SLC5A10: variants seen among roughly 807,000 people sequenced by gnomAD.
SLC5A10 encodes sodium/mannose cotransporter SLC5A10.
In SLC5A10, 55 loss-of-function variants were observed where a neutral mutation model predicts 68.9. The observed-to-expected ratio is 0.80, with a 90% CI of 0.64 to 1.00. The LOEUF (loss-of-function observed/expected upper bound fraction) is 1.00. Among genes scored for constraint, SLC5A10 ranks in the 50% least tolerant of loss-of-function variants. The probability of loss-of-function intolerance (pLI) is 0.00; values close to 1 mark genes in which losing one functional copy is unlikely to be tolerated. For synonymous variants in SLC5A10, 344 were observed against 344.8 expected (o/e 1.00, Z 0.02); for missense variants, 732 against 819.3 (o/e 0.89, Z 1.30).
chr17:18,964,145 C>A lies in SLC5A10; in HGVS notation c.453+3493C>A, dbSNP rs897004438. On this transcript the variant is annotated intron_variant, in intron 5 of 14. Coordinates refer to ENST00000395645, the MANE Select transcript of SLC5A10 (RefSeq NM_001042450.4). Reference sequence around the variant, plus strand: ...CAGGCCAGCCCCCTTCCTCTCTCTACCCCCATGGACTCGGAACGCCTGCTG... The same window carrying A: ...CAGGCCAGCCCCCTTCCTCTCTCTAACCCCATGGACTCGGAACGCCTGCTG... Among the ~76,000 whole-genome samples the A allele has an allele frequency of 4.6e-5, 7 of 152,302 alleles. No individual in the cohort carries two copies. In the East Asian group the frequency reaches 1.2e-3, roughly 25 times the overall value.
chr17:19,017,527 G>T lies in SLC5A10; in HGVS notation c.1242-1896G>T. The T allele has an allele frequency of 1.2e-6, 1 of 801,532 alleles. No individual in the cohort carries two copies. The highest frequency in any genetic ancestry group is 2.0e-6 in the Non-Finnish European group (1 of 498,762). The allele number at this position is 801,532 out of a possible 1,614,324, so 49.7% of individuals were successfully genotyped here. ...CAGTACCATGCCGGTGACCCTGATG[G>T]CTCTGTCCAGCTGAGCAGAGGCTGG... On this transcript the variant is annotated intron_variant, in intron 11 of 14. Coordinates refer to ENST00000395645, the MANE Select transcript of SLC5A10 (RefSeq NM_001042450.4). The surrounding 1 kb of genome is among the most constrained non-coding windows in gnomAD (Gnocchi z 5.6).
At chr17:18,962,158 C>A (rs1455775396) in intron 5 of SLC5A10, among the ~76,000 whole-genome samples, 1 of 152,228 alleles carries the variant, frequency 6.6e-6, no homozygotes, top group Non-Finnish European at 1.5e-5. Flanking sequence ...CAGAAATAAA[C>A]AAGACCTGGC....
chr17:18,966,768 A>C (rs1380360399), intron 5 of SLC5A10, among the ~76,000 whole-genome samples: 1 of 148,878 alleles, frequency 6.7e-6, no homozygotes, highest in Admixed American at 6.7e-5. Context: ...AAAAAAAAAC[A>C]ACACTCTGCG....
intron 9 of SLC5A10, among the ~76,000 whole-genome samples, chr17:18,991,379 C>T (rs2043420464): frequency 6.6e-6 from 1 of 152,226 alleles, no homozygotes. Flanking sequence ...GCCTGGCTTG[C>T]CCCTGTGGTT....
In SLC5A10 at chr17:19,019,609, G is replaced by C. The variant is rs1233047764; in HGVS notation, c.1410+18G>C. The stretch of plus-strand genomic sequence containing the variant: ...ACGAGCAGGTGGGCGTCGGCGGTCT[G>C]CTCTCCCTGGGGACGTGCCACAATT... On this transcript the variant is annotated intron_variant, in intron 12 of 14. Transcript: ENST00000395645. The C allele has an allele frequency of 6.2e-7, 1 of 1,609,254 alleles. No homozygotes were observed.
intron 9 of SLC5A10, chr17:18,978,001 C>T (rs764764825): frequency 1.2e-5 from 19 of 1,565,542 alleles, no homozygotes; most frequent in Non-Finnish European, 1.5e-5. Flanking sequence ...ATAGCTGCCG[C>T]TGGAGTGGGG....
chr17:18,992,083 C>A (rs931018742), intron 9 of SLC5A10, among the ~76,000 whole-genome samples: 1 of 152,166 alleles, frequency 6.6e-6, no homozygotes, highest in Non-Finnish European at 1.5e-5. Context: ...TCCCTGGGGG[C>A]TCCTGGTGCC....
At chr17:18,959,492 G>C in intron 3 of SLC5A10, 112 bp from the exon 4 acceptor site, 1 of 1,219,414 alleles carries the variant, frequency 8.2e-7, no homozygotes, top group Middle Eastern at 2.5e-4. Context: ...AGTCAGGAGG[G>C]GCTGGGGGAA....
At chr17:19,016,530 T>C (rs577081624) in intron 11 of SLC5A10, among the ~76,000 whole-genome samples, 2 of 152,126 alleles carry the variant, frequency 1.3e-5, no homozygotes, top group African/African-American at 2.4e-5. Flanking sequence ...AGGGCACCCA[T>C]CCTGGGGGTG....
At chr17:18,992,476 C>G (rs1228729572) in intron 9 of SLC5A10, among the ~76,000 whole-genome samples, 2 of 152,216 alleles carry the variant, frequency 1.3e-5, no homozygotes, top group African/African-American at 4.8e-5. Flanking sequence ...GGCCACTGCC[C>G]CCCAGCAGAC....
chr17:19,017,180 A>C lies in SLC5A10; in HGVS notation c.1241+1981A>C. ...CTGCGTGGTGCAGGGCAGGTTGCTC[A>C]CCCTCTCTGGGCCCCAGTTCTCTCA... On this transcript the variant is annotated intron_variant, in intron 11 of 14. Coordinates refer to ENST00000395645, the MANE Select transcript of SLC5A10 (RefSeq NM_001042450.4). This position sits in a 1 kb window ranked among gnomAD's most constrained non-coding sequence, Gnocchi z 5.6. The C allele has an allele frequency of 1.9e-6, 2 of 1,042,434 alleles. No individual in the cohort carries two copies. The highest frequency in any genetic ancestry group is 2.1e-4 in the Middle Eastern group (1 of 4,730). 64.6% of individuals were successfully genotyped at this position (1,042,434 alleles called of 1,614,324 possible).
At position 18,970,733 on chromosome 17, in the gene SLC5A10, G is replaced by C. The variant is rs1207643117; in HGVS notation, c.641-280G>C. 1.3e-5 allele frequency: 6 copies of C among 474,196 alleles called. No homozygotes were observed. In the East Asian group the frequency reaches 2.3e-4, roughly 18 times the overall value. The allele number at this position is 474,196 out of a possible 1,614,324, so 29.4% of individuals were successfully genotyped here. A position where few individuals can be genotyped will look rare whatever the true frequency, so the allele number is the denominator to read the frequency against. ...GCCGATGAGTGTCCAGAGGCCAACAGTGACTCCTGCTGGGCCAGCGGGACA... is the reference window on the plus strand; with the variant it reads ...GCCGATGAGTGTCCAGAGGCCAACACTGACTCCTGCTGGGCCAGCGGGACA... On this transcript the variant is annotated intron_variant, in intron 7 of 14. Transcript: ENST00000395645.
chr17:19,007,860 G>C (rs2043927594), intron 9 of SLC5A10, among the ~76,000 whole-genome samples: 1 of 152,218 alleles, frequency 6.6e-6, no homozygotes, highest in African/African-American at 2.4e-5. Flanking sequence ...AAATGAAAAT[G>C]TAGAGATGAA....
rs1052943036 is a variant in SLC5A10 at position 18,989,422 on chromosome 17, C to G, written c.982+12433C>G. 2.6e-5 allele frequency among the ~76,000 whole-genome samples: 4 copies of G among 151,146 alleles called. No individual in the cohort carries two copies. The South Asian group carries it at 6.3e-4, about 24-fold the overall frequency. On this transcript the variant is annotated intron_variant, in intron 9 of 14. Coordinates refer to ENST00000395645, the MANE Select transcript of SLC5A10 (RefSeq NM_001042450.4). The stretch of plus-strand genomic sequence containing the variant: ...GCTCACCAGGCTGGCCCCTGCAGGC[C>G]CATCTGGGCTCCTCCTGGGCCTCAG...
Position 19,020,642 on chromosome 17 carries a change from C to A in SLC5A10, c.*211C>A. 3.4e-6 allele frequency: 2 copies of A among 584,182 alleles called. No individual in the cohort carries two copies. Among genetic ancestry groups the A allele is most frequent in the Non-Finnish European group, 6.1e-6 (2 of 326,976 alleles). 36.2% of individuals were successfully genotyped at this position (584,182 alleles called of 1,614,324 possible). ...TAATGTGACATTTCAAAAACAGCAC[C>A]AAAGCAGTCAGCATTGGAAGGAAAA... is the stretch of plus-strand genomic sequence containing the variant. On this transcript the variant is annotated 3_prime_UTR_variant, in exon 15 of 15. Coordinates refer to ENST00000395645, the MANE Select transcript of SLC5A10 (RefSeq NM_001042450.4).
chr17:18,979,613 T>C, intron 9 of SLC5A10: 2 of 1,613,528 alleles, frequency 1.2e-6, no homozygotes, highest in Non-Finnish European at 1.7e-6. Context: ...AGGGCACCCT[T>C]GAACTTGGTT....
intron 9 of SLC5A10, chr17:18,978,429 T>C: frequency 6.3e-7 from 1 of 1,597,808 alleles, no homozygotes; most frequent in East Asian, 2.3e-5. Context: ...TCCACCCACG[T>C]GGGCAGGTAC....
intron 10 of SLC5A10, among the ~76,000 whole-genome samples, chr17:19,014,799 A>C (rs1597912704): frequency 6.6e-6 from 1 of 152,166 alleles, no homozygotes; most frequent in Admixed American, 6.5e-5. Context: ...GGTCGGGCCT[A>C]GGGTTGCCAG....
At chr17:19,014,302 C>G (rs1260276277) in intron 10 of SLC5A10, among the ~76,000 whole-genome samples, 3 of 152,194 alleles carry the variant, frequency 2.0e-5, no homozygotes, top group African/African-American at 7.2e-5. Flanking sequence ...CATCCTTCCA[C>G]CTTCCTTAGG....
Sources: allele counts gnomAD v4.1 joint callset (sites outside exome capture counted in the v4.1 genomes callset), GRCh38; gene constraint gnomAD v4.1.1; non-coding constraint Gnocchi (gnomAD v3.1); transcripts MANE v1.5; gene names NCBI Gene and HGNC (gene_info 2026-07-23, HGNC 2026-07-21).